The following SLC35F4 variants were observed in gnomAD, a reference collection of about 807,000 sequenced individuals.
SLC35F4 encodes the protein chromosome 14 open reading frame 36.
Under a neutral mutation model 44.2 loss-of-function variants are expected in SLC35F4, and 24 were observed. That is an observed-to-expected ratio of 0.54 (90% CI 0.39 to 0.76). The LOEUF is 0.76. Among genes scored for constraint, SLC35F4 ranks in the 30% least tolerant of loss-of-function variants. The pLI is 0.00. For missense variants in SLC35F4, 562 were observed against 586.1 expected (o/e 0.96, Z 0.42); for synonymous variants, 238 against 223.6 (o/e 1.06, Z -0.57).
chr14:57,576,011 C>G (rs1346604410), intron 4 of SLC35F4, among the ~76,000 whole-genome samples: 1 of 144,844 alleles, frequency 6.9e-6, no homozygotes, highest in Non-Finnish European at 1.5e-5. Flanking sequence ...TTTTCTTTTT[C>G]TCTTTTGGCT....
intron 1 of SLC35F4, among the ~76,000 whole-genome samples, chr14:57,611,058 TG>T (rs1194056356): frequency 1.3e-5 from 2 of 152,160 alleles, no homozygotes; most frequent in Non-Finnish European, 2.9e-5. Flanking sequence ...GAGGAGATTA[TG>T]GGCAAACTGG....
chr14:57,937,740 T>C (rs62005048), intron 1 of SLC35F4, among the ~76,000 whole-genome samples: 250 of 151,666 alleles, frequency 1.6e-3, no homozygotes, highest in South Asian at 9.8e-3. Context: ...AACTTGGAGG[T>C]GGGAAGCTGG....
intron 1 of SLC35F4, among the ~76,000 whole-genome samples, chr14:57,895,126 C>T (rs1888845498): frequency 6.6e-6 from 1 of 152,048 alleles, no homozygotes; most frequent in African/African-American, 2.4e-5. Flanking sequence ...GCAGTACTGC[C>T]TTGGTGGGGC....
chr14:57,956,321 C>T (rs993997939), intron 1 of SLC35F4, among the ~76,000 whole-genome samples: 1 of 152,144 alleles, frequency 6.6e-6, no homozygotes, highest in African/African-American at 2.4e-5. Context: ...AACGTAAGAC[C>T]TAAAACCATT....
chr14:57,659,058 A>G (rs531784812), intron 1 of SLC35F4, among the ~76,000 whole-genome samples: 1 of 152,202 alleles, frequency 6.6e-6, no homozygotes, highest in Admixed American at 6.5e-5. Flanking sequence ...AAGCCAAGAC[A>G]CTATCCCTAG....
At chr14:57,875,584 T>C (rs1031680098) in intron 1 of SLC35F4, among the ~76,000 whole-genome samples, 2 of 152,130 alleles carry the variant, frequency 1.3e-5, no homozygotes, top group Non-Finnish European at 2.9e-5. Context: ...ACACGTCTAG[T>C]GGATGGGAGA....
chr14:57,828,199 CA>C (rs568421293), intron 1 of SLC35F4, among the ~76,000 whole-genome samples: 4 of 152,180 alleles, frequency 2.6e-5, no homozygotes, highest in East Asian at 1.9e-4. Context: ...TTTATTTAAA[CA>C]AAAAAACCAC....
intron 1 of SLC35F4, among the ~76,000 whole-genome samples, chr14:57,691,916 G>A (rs1320918061): frequency 6.6e-6 from 1 of 152,162 alleles, no homozygotes; most frequent in Non-Finnish European, 1.5e-5. Context: ...AAGAGGGTGA[G>A]GAGAGAAGAC....
chr14:57,959,409 T>A (rs1196306478), intron 1 of SLC35F4, among the ~76,000 whole-genome samples: 1 of 152,164 alleles, frequency 6.6e-6, no homozygotes, highest in Non-Finnish European at 1.5e-5. Flanking sequence ...AAATCCAGCA[T>A]TATCTCTTCT....
chr14:57,930,303 G>A (rs1889672284), intron 1 of SLC35F4, among the ~76,000 whole-genome samples: 1 of 152,132 alleles, frequency 6.6e-6, no homozygotes, highest in South Asian at 2.1e-4. Flanking sequence ...AAATTGTGAG[G>A]CAGAATTTAT....
chr14:57,672,806 A>G (rs2074562576), intron 1 of SLC35F4, among the ~76,000 whole-genome samples: 1 of 151,760 alleles, frequency 6.6e-6, no homozygotes. Flanking sequence ...CACTTAGAAT[A>G]ACAAAGTTGA....
chr14:57,707,077 G>A (rs2075694938), intron 1 of SLC35F4, among the ~76,000 whole-genome samples: 1 of 152,156 alleles, frequency 6.6e-6, no homozygotes. Context: ...GATTTAAAAG[G>A]TATTGGGAAA....
chr14:57,726,220 A>G (rs956025859), intron 1 of SLC35F4, among the ~76,000 whole-genome samples: 1 of 152,172 alleles, frequency 6.6e-6, no homozygotes, highest in African/African-American at 2.4e-5. Context: ...ATTAAGGTCA[A>G]TGGGAAACTA....
intron 1 of SLC35F4, among the ~76,000 whole-genome samples, chr14:57,643,512 G>A (rs925475875): frequency 6.6e-6 from 1 of 151,988 alleles, no homozygotes; most frequent in Non-Finnish European, 1.5e-5. Flanking sequence ...GTAGCAAAAC[G>A]GGCTTAAATA....
intron 1 of SLC35F4, chr14:57,630,097 G>T: frequency 1.8e-6 from 1 of 545,218 alleles, no homozygotes; most frequent in Admixed American, 1.9e-5. Flanking sequence ...TGATGCTGAA[G>T]ATGCTTACAT....
At chr14:57,781,175 AG>A (rs1235679893) in intron 1 of SLC35F4, among the ~76,000 whole-genome samples, 2 of 152,202 alleles carry the variant, frequency 1.3e-5, no homozygotes, top group Non-Finnish European at 2.9e-5. Flanking sequence ...CATCTGACAA[AG>A]GTCTAATATC....
In SLC35F4 at chr14:57,925,570, G is replaced by A. The variant is rs942839090; in HGVS notation, n.282+56343C>T. On this transcript the variant is annotated intron_variant and non_coding_transcript_variant, in intron 1 of 1. Coordinates refer to the SLC35F4 transcript ENST00000556568. Reference sequence around the variant, plus strand: ...GGAAGGAAGGAAGGAAGGATGACAGGCAGGAGAGTCCTGGAGTAAATAGAA... The same window carrying A: ...GGAAGGAAGGAAGGAAGGATGACAGACAGGAGAGTCCTGGAGTAAATAGAA... Among the ~76,000 whole-genome samples, 12 of 150,550 alleles carry A rather than the reference G, an allele frequency of 8.0e-5. 1 individual carries two copies. Among genetic ancestry groups the A allele is most frequent in the Middle Eastern group, 6.8e-3 (2 of 294 alleles).
At chr14:57,691,812 T>C (rs537219539) in intron 1 of SLC35F4, among the ~76,000 whole-genome samples, 19 of 151,374 alleles carry the variant, frequency 1.3e-4, no homozygotes, top group African/African-American at 4.3e-4. Flanking sequence ...TATAACATGA[T>C]AGCAAATGTG....
chr14:57,583,185 C>A (rs1481265400), intron 3 of SLC35F4, among the ~76,000 whole-genome samples: 1 of 152,196 alleles, frequency 6.6e-6, no homozygotes, highest in East Asian at 1.9e-4. Context: ...CTCTTTGAAG[C>A]CCCACAGCCA....
Sources: allele counts gnomAD v4.1 joint callset (sites outside exome capture counted in the v4.1 genomes callset), GRCh38; gene constraint gnomAD v4.1.1; transcripts MANE v1.5; gene names NCBI Gene and HGNC (gene_info 2026-07-23, HGNC 2026-07-21).